The following ZNF148 variants were observed in gnomAD, a reference collection of about 807,000 sequenced individuals.
The protein encoded by ZNF148 is Beta-Enolase Repressor Factor-1.
Under a neutral mutation model 67.7 loss-of-function variants are expected in ZNF148, and 7 were observed. The observed-to-expected ratio is 0.10, with a 90% confidence interval of 0.06 to 0.19. The LOEUF is 0.19. Among genes scored for constraint, ZNF148 ranks in the 10% least tolerant of loss-of-function variants. ZNF148 has a pLI of 1.00. For missense variants in ZNF148, 583 were observed against 947.1 expected (o/e 0.62, Z 5.05); for synonymous variants, 333 against 330.7 (o/e 1.01, Z -0.08).
At chr3:125,330,968 A>G (rs1328570735) in intron 2 of ZNF148, among the ~76,000 whole-genome samples, 190 bp downstream of exon 2, 1 of 152,112 alleles carries the variant, frequency 6.6e-6, no homozygotes, top group Non-Finnish European at 1.5e-5. Context: ...TTCTATGTAC[A>G]TATGTCCATA....
In ZNF148 at chr3:125,232,713, T is replaced by G. The variant is rs752539179; in HGVS notation, c.2013A>C (p.Pro671=). Residue 671 remains proline (P), a synonymous_variant, in exon 9 of 9, where the codon CCA becomes CCC. Coordinates refer to ENST00000360647, the MANE Select transcript of ZNF148 (RefSeq NM_021964.3). This position sits in a 1 kb window ranked among gnomAD's most constrained non-coding sequence, Gnocchi z 4.2. ...CTATTAGTCCAAAGTGGGACTTATC[T>G]GGAGTTGTTCTTAGTGGAGAATTCA... ...SGMNSPLRTT[P]DKSHFGLIVG... is the part of the protein sequence containing the mutation. 6.2e-7 allele frequency: 1 copy of G among 1,613,906 alleles called. No individual in the cohort carries two copies. Among genetic ancestry groups the G allele is most frequent in the Admixed American group, 1.7e-5 (1 of 60,004 alleles).
chr3:125,330,001 T>C (rs928098421), intron 2 of ZNF148, among the ~76,000 whole-genome samples: 1 of 152,198 alleles, frequency 6.6e-6, no homozygotes, highest in African/African-American at 2.4e-5. Context: ...AAAGCCTTTT[T>C]TCGATGTTAT....
intron 7 of ZNF148, among the ~76,000 whole-genome samples, chr3:125,246,112 T>C (rs1936587765): frequency 6.6e-6 from 1 of 152,234 alleles, no homozygotes; most frequent in South Asian, 2.1e-4. Context: ...TGACAGCAAA[T>C]GTAAAGCACT....
intron 1 of ZNF148, among the ~76,000 whole-genome samples, chr3:125,359,553 T>C (rs1470970359): frequency 6.6e-6 from 1 of 152,206 alleles, no homozygotes; most frequent in African/African-American, 2.4e-5. Context: ...CCTTAGGACA[T>C]CTCATTCTTA....
intron 5 of ZNF148, among the ~76,000 whole-genome samples, chr3:125,285,297 G>C (rs756904380): frequency 1.3e-5 from 2 of 152,132 alleles, no homozygotes; most frequent in Non-Finnish European, 2.9e-5. Context: ...ACATGGGTAA[G>C]TTTCTCTTTC....
At position 125,288,349 on chromosome 3, in the gene ZNF148, T is replaced by G. The variant is rs551483898; in HGVS notation, c.334-121A>C. On this transcript the variant is annotated intron_variant, in intron 4 of 8. Transcript: ENST00000360647. ...CAGGTGCTTCCAGAATGATGATCTA[T>G]GTGTGTGTGTCCTAACTATATACAG... The G allele has an allele frequency of 8.6e-5, 86 of 1,005,716 alleles. 1 individual carries two copies. The East Asian group carries it at 2.1e-3, about 25-fold the overall frequency. The allele number at this position is 1,005,716 out of a possible 1,614,324, so 62.3% of individuals were successfully genotyped here.
chr3:125,345,261 G>A (rs867383467), intron 1 of ZNF148, among the ~76,000 whole-genome samples: 5 of 152,076 alleles, frequency 3.3e-5, no homozygotes, highest in Admixed American at 6.5e-5. Context: ...TCTCTAAATA[G>A]AGCAATAAAC....
chr3:125,234,552 C>A (rs1364483232), intron 7 of ZNF148, among the ~76,000 whole-genome samples: 1 of 152,036 alleles, frequency 6.6e-6, no homozygotes, highest in Non-Finnish European at 1.5e-5. Context: ...TTGTTATGTG[C>A]GTATGTAATA....
At chr3:125,322,558 C>T (rs900777828) in intron 3 of ZNF148, among the ~76,000 whole-genome samples, 1 of 152,020 alleles carries the variant, frequency 6.6e-6, no homozygotes, top group African/African-American at 2.4e-5. Flanking sequence ...AAAGAGAATG[C>T]CCTTCTCTTT....
rs530675117 is a variant in ZNF148, at chr3:125,242,711, T to G, written c.668-8382A>C. 3.9e-5 allele frequency among the ~76,000 whole-genome samples: 6 copies of G among 152,246 alleles called. No homozygotes were observed. The East Asian group carries it at 1.2e-3, about 29-fold the overall frequency. ...TTATCTTGAGGCAGAATGTGAGGTATGGACAAAACTTTTGTTTTTTCAGAT... is the reference window on the plus strand; with the variant it reads ...TTATCTTGAGGCAGAATGTGAGGTAGGGACAAAACTTTTGTTTTTTCAGAT... On this transcript the variant is annotated intron_variant, in intron 7 of 8. Coordinates refer to ENST00000360647, the MANE Select transcript of ZNF148 (RefSeq NM_021964.3).
At chr3:125,315,958 T>A (rs1229429946) in intron 3 of ZNF148, among the ~76,000 whole-genome samples, 1 of 152,186 alleles carries the variant, frequency 6.6e-6, no homozygotes, top group Non-Finnish European at 1.5e-5. Context: ...GTCTTATTCA[T>A]TTTTTCTATT....
At chr3:125,284,230 A>G (rs1361068473) in intron 5 of ZNF148, among the ~76,000 whole-genome samples, 1 of 152,186 alleles carries the variant, frequency 6.6e-6, no homozygotes, top group Non-Finnish European at 1.5e-5. Flanking sequence ...CCCTTCTGAG[A>G]TGGAAACTGT....
intron 1 of ZNF148, among the ~76,000 whole-genome samples, chr3:125,343,326 T>C (rs1483793098): frequency 6.6e-6 from 1 of 152,156 alleles, no homozygotes; most frequent in Non-Finnish European, 1.5e-5. Context: ...TCCTATTATG[T>C]GGTCCCAATG....
At chr3:125,260,932 C>T (rs1937307734) in intron 7 of ZNF148, among the ~76,000 whole-genome samples, 1 of 152,064 alleles carries the variant, frequency 6.6e-6, no homozygotes, top group African/African-American at 2.4e-5. Flanking sequence ...ATCAAAACTT[C>T]CTGATTTATT....
chr3:125,300,255 A>G (rs1303739920), intron 4 of ZNF148, among the ~76,000 whole-genome samples: 1 of 152,154 alleles, frequency 6.6e-6, no homozygotes, highest in Non-Finnish European at 1.5e-5. Flanking sequence ...TAGAGGTGAG[A>G]GCCACCATGC....
At chr3:125,370,604 G>C (rs1298485899) in intron 1 of ZNF148, among the ~76,000 whole-genome samples, 1 of 152,212 alleles carries the variant, frequency 6.6e-6, no homozygotes, top group East Asian at 1.9e-4. Flanking sequence ...AAGTAAGGAA[G>C]ACTCTCAAGA....
intron 3 of ZNF148, among the ~76,000 whole-genome samples, chr3:125,317,658 T>TAGAGAGAGAGAGAGAGAGAGAGAGAGAG (rs796905351): frequency 1.1e-4 from 3 of 27,962 alleles, no homozygotes; most frequent in Non-Finnish European, 2.0e-4. Context: ...TATATATATA[T>TAGAGAGAGAGAGAGAGAGAGAGAGAGAG]ATATAGAGAG....
intron 7 of ZNF148, among the ~76,000 whole-genome samples, chr3:125,262,649 T>C (rs1024195780): frequency 6.6e-5 from 10 of 152,210 alleles, no homozygotes; most frequent in African/African-American, 2.4e-4. Context: ...GTGATTGAGA[T>C]TGGTGATATT....
chr3:125,283,995 C>G (rs545202077), intron 5 of ZNF148, among the ~76,000 whole-genome samples: 4 of 151,926 alleles, frequency 2.6e-5, no homozygotes, highest in Non-Finnish European at 5.9e-5. Flanking sequence ...GATGAGAGAT[C>G]CTGGCACATA....
Sources: gnomAD v4.1 joint callset for allele counts (sites outside exome capture counted in the v4.1 genomes callset) on GRCh38, gnomAD v4.1.1 for gene constraint, Gnocchi (gnomAD v3.1) non-coding constraint, MANE v1.5 for transcripts, NCBI Gene and HGNC (gene_info 2026-07-23, HGNC 2026-07-21) for gene names.